DENND5B: variants seen among roughly 807,000 people sequenced by gnomAD.
DENND5B encodes the protein DENN domain-containing protein 5B.
Under a neutral mutation model 140.6 loss-of-function variants are expected in DENND5B, and 34 were observed. The ratio of observed to expected loss-of-function variants is 0.24; its 90% CI spans 0.18 to 0.32. DENND5B has a LOEUF of 0.32. Ranked by LOEUF, DENND5B falls within the 10% of genes least tolerant of loss-of-function variation. The pLI is 1.00. For missense variants in DENND5B, 1,142 were observed against 1,560.2 expected (o/e 0.73, Z 4.52); for synonymous variants, 551 against 562.1 (o/e 0.98, Z 0.28).
Position 31,460,373 on chromosome 12 carries a change from G to T in DENND5B, c.913C>A (p.Arg305Ser), listed in dbSNP as rs576115388. The T allele has an allele frequency of 6.2e-7, 1 of 1,613,620 alleles. No homozygotes were observed. The highest frequency in any genetic ancestry group is 8.5e-7 in the Non-Finnish European group (1 of 1,179,824). Residue 305 changes from arginine (R) to serine (S), a missense_variant, in exon 4 of 21, where the codon CGC becomes AGC. Physicochemically the swap from Arg to Ser is moderately radical, Grantham distance 110 (BLOSUM62 -1). This residue lies in a region of DENND5B where 708 missense variants were observed against 905.5 expected (regional missense o/e 0.78). Coordinates refer to ENST00000389082, the MANE Select transcript of DENND5B (RefSeq NM_144973.4). ...ATGCCTTCTGCCACAGTCATCAGGC[G>T]TTGATAATCTGCACAGAACAAGGAA... ...QILLYSQDYQ[R>S]LMTVAEGITT...
chr12:31,590,027 T>G (rs1950554321), intron 1 of DENND5B: 1 of 152,294 alleles, frequency 6.6e-6, no homozygotes, highest in Admixed American at 6.5e-5. Context: ...GGGAACAGTG[T>G]AGGCAGTGTC....
intron 12 of DENND5B, among the ~76,000 whole-genome samples, chr12:31,414,747 G>A (rs1942633130): frequency 6.6e-6 from 1 of 151,948 alleles, no homozygotes; most frequent in Admixed American, 6.6e-5. Flanking sequence ...GGCTAACATG[G>A]TAAAACCCTG....
At chr12:31,429,865 C>A (rs1565570304) in intron 8 of DENND5B, among the ~76,000 whole-genome samples, 1 of 151,890 alleles carries the variant, frequency 6.6e-6, no homozygotes, top group Non-Finnish European at 1.5e-5. Context: ...TGCTACAACA[C>A]CTGGCTAATT....
At chr12:31,479,231 C>T (rs368034890) in intron 3 of DENND5B, among the ~76,000 whole-genome samples, 75 of 152,280 alleles carry the variant, frequency 4.9e-4, no homozygotes, top group African/African-American at 1.7e-3. Flanking sequence ...GAAGTCTACA[C>T]GTTTCTGGTA....
intron 8 of DENND5B, among the ~76,000 whole-genome samples, chr12:31,430,497 CAAAAAAAAAAAA>C (rs71062432): frequency 1.0e-3 from 56 of 56,056 alleles, no homozygotes; most frequent in Middle Eastern, 0.013. Context: ...ACTAAAAATA[CAAAAAAAAAAAA>C]AAAAAAAAAA....
chr12:31,474,650 C>T (rs1012154), intron 3 of DENND5B, among the ~76,000 whole-genome samples: 118,744 of 152,150 alleles, frequency 0.78, 46,769 homozygotes, highest in African/African-American at 0.88. Context: ...CTTCAGCACA[C>T]GCAATGTTTT....
rs1204616475 is a variant in DENND5B at position 31,574,266 on chromosome 12, A to AT, written c.127+16439_127+16440insA. ...TGAGAGAATGAGACCCTGTCTCTAA[A>AT]AAATAATAATAATAATAATAATAAT... On this transcript the variant is annotated intron_variant, in intron 1 of 20. Transcript: ENST00000389082. Among the ~76,000 whole-genome samples the AT allele has an allele frequency of 1.9e-3, 256 of 134,812 alleles. 1 individual carries two copies. Among genetic ancestry groups the AT allele is most frequent in the Non-Finnish European group, 8.1e-4 (53 of 65,600 alleles). The allele number at this position is 134,812 out of a possible 152,430, so 88.4% of individuals were successfully genotyped here.
At chr12:31,431,062 C>A (rs192437258) in intron 8 of DENND5B, among the ~76,000 whole-genome samples, 29 of 152,312 alleles carry the variant, frequency 1.9e-4, no homozygotes, top group African/African-American at 6.3e-4. Flanking sequence ...AGACTTTTCA[C>A]AAGAAATGCT....
At chr12:31,442,553 A>C (rs1944083167) in intron 7 of DENND5B, among the ~76,000 whole-genome samples, 1 of 152,122 alleles carries the variant, frequency 6.6e-6, no homozygotes, top group South Asian at 2.1e-4. Context: ...AAAAAGAAAA[A>C]AAAATCTCTA....
chr12:31,420,145 G>A, intron 11 of DENND5B: 1 of 857,222 alleles, frequency 1.2e-6, no homozygotes, highest in Non-Finnish European at 1.4e-6. Context: ...TTATTTTTTG[G>A]AGACAGGGTC....
At chr12:31,408,424 C>T (rs185996514) in intron 14 of DENND5B, among the ~76,000 whole-genome samples, 4,575 of 149,304 alleles carry the variant, frequency 0.031, 100 homozygotes, top group Non-Finnish European at 0.049. Flanking sequence ...GTCAGGAGTT[C>T]GAGACCAGCC....
chr12:31,565,398 T>C (rs1321980024), intron 1 of DENND5B, among the ~76,000 whole-genome samples: 1 of 152,102 alleles, frequency 6.6e-6, no homozygotes, highest in Non-Finnish European at 1.5e-5. Flanking sequence ...ATTGAGTCCT[T>C]TTACACTCAC....
chr12:31,556,743 T>C (rs78226138), intron 1 of DENND5B, among the ~76,000 whole-genome samples: 1 of 152,206 alleles, frequency 6.6e-6, no homozygotes, highest in Non-Finnish European at 1.5e-5. Flanking sequence ...CAGTCAGGTC[T>C]GTTTTCTTAA....
intron 1 of DENND5B, among the ~76,000 whole-genome samples, chr12:31,516,828 CTTTGGGAGACTGA>C (rs1269342475): frequency 6.6e-6 from 1 of 152,086 alleles, no homozygotes; most frequent in African/African-American, 2.4e-5. Flanking sequence ...AATCCCAGCA[CTTTGGGAGACTGA>C]AGTGGGAGGG....
At chr12:31,463,497 C>A (rs372326633) in intron 3 of DENND5B, among the ~76,000 whole-genome samples, 1 of 151,962 alleles carries the variant, frequency 6.6e-6, no homozygotes, top group Non-Finnish European at 1.5e-5. Context: ...TATTTTTGAA[C>A]GAATAGATGA....
chr12:31,494,170 A>G (rs1391638179), intron 2 of DENND5B, among the ~76,000 whole-genome samples: 1 of 70,970 alleles, frequency 1.4e-5, no homozygotes, highest in Non-Finnish European at 2.7e-5. Flanking sequence ...CTATCTATCT[A>G]TCTATCTATC....
chr12:31,564,513 A>G (rs1286101575), intron 1 of DENND5B, among the ~76,000 whole-genome samples: 1 of 151,542 alleles, frequency 6.6e-6, no homozygotes, highest in East Asian at 1.9e-4. Flanking sequence ...TACATAATTT[A>G]TCATGCACTT....
chr12:31,410,821 G>A (rs1942409329), intron 13 of DENND5B, among the ~76,000 whole-genome samples: 1 of 152,144 alleles, frequency 6.6e-6, no homozygotes, highest in African/African-American at 2.4e-5. Context: ...TCAGACTTCA[G>A]ATTTTAAACT....
chr12:31,472,464 G>T (rs931159294), intron 3 of DENND5B, among the ~76,000 whole-genome samples: 4 of 152,088 alleles, frequency 2.6e-5, no homozygotes, highest in East Asian at 3.9e-4. Context: ...CCTAATTTTT[G>T]TATTTTCAGT....
Sources: allele counts gnomAD v4.1 joint callset (sites outside exome capture counted in the v4.1 genomes callset), GRCh38; gene constraint gnomAD v4.1.1; regional missense constraint gnomAD v4.1.1; transcripts MANE v1.5; gene names NCBI Gene and HGNC (gene_info 2026-07-23, HGNC 2026-07-21).